DLGAP2: variants seen among roughly 807,000 people sequenced by gnomAD.
DLGAP2 encodes DLG associated protein 2.
Under a neutral mutation model 100.3 loss-of-function variants are expected in DLGAP2, and 26 were observed. The observed-to-expected ratio is 0.26, with a 90% CI of 0.19 to 0.36. The LOEUF (loss-of-function observed/expected upper bound fraction) is 0.36. DLGAP2 is among the 10% of genes least tolerant of loss of function. The pLI is 1.00. For missense variants in DLGAP2, 1,858 were observed against 1,453.2 expected, an observed-to-expected ratio of 1.28 and a Z score of -4.53; for synonymous variants, 886 against 630.1, an observed-to-expected ratio of 1.41 and a Z score of -6.08.
intron 2 of DLGAP2, among the ~76,000 whole-genome samples, chr8:1,055,303 A>G (rs17667995): frequency 0.016 from 2,430 of 152,312 alleles, 43 homozygotes; most frequent in South Asian, 0.094. Context: ...TGTAGCTTCA[A>G]CTTATCAAAC....
chr8:1,377,348 T>C (rs1795975464), intron 3 of DLGAP2, among the ~76,000 whole-genome samples: 1 of 152,090 alleles, frequency 6.6e-6, no homozygotes, highest in Admixed American at 6.5e-5. Flanking sequence ...ATCGAGACCA[T>C]CCTGGGTAAT....
At chr8:903,533 A>T (rs942332539) in intron 1 of DLGAP2, among the ~76,000 whole-genome samples, 1 of 152,048 alleles carries the variant, frequency 6.6e-6, no homozygotes, top group Non-Finnish European at 1.5e-5. Flanking sequence ...CCAGTGTCAG[A>T]TTACTTCCCA....
intron 3 of DLGAP2, among the ~76,000 whole-genome samples, chr8:1,287,979 C>G (rs1489726156): frequency 0.015 from 793 of 54,064 alleles, 68 homozygotes; most frequent in Admixed American, 0.035. Context: ...GAACTAGTTT[C>G]GGTTGAGTGT....
At chr8:1,321,990 C>G (rs778098446) in intron 3 of DLGAP2, among the ~76,000 whole-genome samples, 1 of 152,126 alleles carries the variant, frequency 6.6e-6, no homozygotes, top group Non-Finnish European at 1.5e-5. Context: ...CTGAAGCGTG[C>G]TTAAATTCTA....
chr8:1,360,083 C>T (rs887823465), intron 3 of DLGAP2, among the ~76,000 whole-genome samples: 8 of 152,266 alleles, frequency 5.3e-5, no homozygotes, highest in South Asian at 2.1e-4. Context: ...GGAAATCCAC[C>T]GAAGCCCTTT....
intron 1 of DLGAP2, among the ~76,000 whole-genome samples, chr8:758,497 TG>T (rs1820977057): frequency 6.6e-6 from 1 of 152,218 alleles, no homozygotes; most frequent in Non-Finnish European, 1.5e-5. Context: ...AAGAGCGTCT[TG>T]CTCCACCTCT....
chr8:1,583,580 C>G (rs1176699041), intron 6 of DLGAP2, among the ~76,000 whole-genome samples: 1 of 152,202 alleles, frequency 6.6e-6, no homozygotes, highest in Non-Finnish European at 1.5e-5. Flanking sequence ...CAGAATCCAT[C>G]TAGAAAGATG....
At chr8:1,537,740 A>T (rs373146341) in intron 4 of DLGAP2, among the ~76,000 whole-genome samples, 5 of 104,676 alleles carry the variant, frequency 4.8e-5, no homozygotes, top group South Asian at 3.0e-4. Context: ...GAAGGAAGGA[A>T]GGAAGGAAGG....
At chr8:1,059,723 C>T (rs924856150) in intron 2 of DLGAP2, among the ~76,000 whole-genome samples, 6 of 152,114 alleles carry the variant, frequency 3.9e-5, no homozygotes, top group Admixed American at 6.5e-5. Context: ...TGTGGGAAGG[C>T]TGAGGGGCGT....
At position 1,708,257 on chromosome 8, in the gene DLGAP2, C is replaced by T. The variant is rs1021938097; in HGVS notation, c.*6851C>T. 3.9e-5 allele frequency: 6 copies of T among 151,948 alleles called. No individual in the cohort carries two copies. Among genetic ancestry groups the T allele is most frequent in the African/African-American group, 1.2e-4 (5 of 41,368 alleles). 9.4% of individuals were successfully genotyped at this position (151,948 alleles called of 1,614,324 possible). A position where few individuals can be genotyped will look rare whatever the true frequency, so the allele number is the denominator to read the frequency against. On this transcript the variant is annotated 3_prime_UTR_variant, in exon 15 of 15. Transcript: ENST00000637795. ...TTACTTTTTTATTGGAGTGAATTCT[C>T]GTGTTATTTTAATCTCAGAAAAATT...
chr8:1,342,329 T>C (rs1043227154), intron 3 of DLGAP2, among the ~76,000 whole-genome samples: 2 of 152,178 alleles, frequency 1.3e-5, no homozygotes, highest in Non-Finnish European at 2.9e-5. Flanking sequence ...TCCAGCAATT[T>C]AGTGCATTGC....
chr8:1,331,117 G>A (rs1356437373), intron 3 of DLGAP2, among the ~76,000 whole-genome samples: 9 of 152,328 alleles, frequency 5.9e-5, no homozygotes, highest in East Asian at 5.8e-4. Context: ...ACTCATGCAC[G>A]CTTTCTTTCA....
At chr8:1,117,808 T>G (rs1311729315) in intron 2 of DLGAP2, among the ~76,000 whole-genome samples, 2 of 151,922 alleles carry the variant, frequency 1.3e-5, no homozygotes, top group Non-Finnish European at 2.9e-5. Context: ...TGACACTCAC[T>G]TGGGCTCAGA....
intron 4 of DLGAP2, among the ~76,000 whole-genome samples, chr8:1,516,105 G>A (rs1340681824): frequency 1.3e-5 from 2 of 150,852 alleles, no homozygotes; most frequent in Non-Finnish European, 2.9e-5. Flanking sequence ...GAGTGACTGA[G>A]TGAATGAGTG....
chr8:1,040,344 G>A (rs1220478549), intron 2 of DLGAP2, among the ~76,000 whole-genome samples: 11 of 142,338 alleles, frequency 7.7e-5, no homozygotes, highest in Non-Finnish European at 1.2e-4. Flanking sequence ...AGCTCGGTGT[G>A]CGTGGTCGGC....
At chr8:1,350,231 TGC>T (rs1563099012) in intron 3 of DLGAP2, among the ~76,000 whole-genome samples, 29 of 107,656 alleles carry the variant, frequency 2.7e-4, no homozygotes, top group South Asian at 7.4e-4. Context: ...GTCCTGAGTG[TGC>T]GTGGAAAGGC....
At chr8:1,389,425 C>G (rs551380149) in intron 3 of DLGAP2, among the ~76,000 whole-genome samples, 36 of 152,132 alleles carry the variant, frequency 2.4e-4, no homozygotes, top group African/African-American at 8.2e-4. Flanking sequence ...AATGATAACA[C>G]GGGAGTTGAC....
chr8:1,696,003 G>A (rs563607409), intron 13 of DLGAP2, among the ~76,000 whole-genome samples: 137 of 152,342 alleles, frequency 9.0e-4, no homozygotes, highest in African/African-American at 3.2e-3. Context: ...CCGCGCGGAG[G>A]GCAGCTGGGG....
intron 2 of DLGAP2, among the ~76,000 whole-genome samples, chr8:1,108,837 G>C (rs1446861697): frequency 1.5e-5 from 2 of 135,074 alleles, no homozygotes; most frequent in Non-Finnish European, 3.2e-5. Context: ...TGCCTATGAA[G>C]TGTGCTGGGT....
Sources: allele counts gnomAD v4.1 joint callset (sites outside exome capture counted in the v4.1 genomes callset), GRCh38; gene constraint gnomAD v4.1.1; transcripts MANE v1.5; gene names NCBI Gene and HGNC (gene_info 2026-07-23, HGNC 2026-07-21).